The following GPAM variants were observed in gnomAD, a reference collection of about 807,000 sequenced individuals.
GPAM encodes the protein glycerol-3-phosphate acyltransferase, mitochondrial.
A neutral mutation model predicts 105.0 loss-of-function variants in GPAM; 56 were observed. The observed-to-expected ratio is 0.53, with a 90% CI of 0.43 to 0.67. The LOEUF (loss-of-function observed/expected upper bound fraction) is 0.67. GPAM is among the 30% of genes least tolerant of loss of function. The pLI is 0.00. For missense variants in GPAM, 855 were observed against 989.8 expected, an observed-to-expected ratio of 0.86 and a Z score of 1.83; for synonymous variants, 368 against 354.4, an observed-to-expected ratio of 1.04 and a Z score of -0.43.
chr10:112,166,292 A>G (rs1170668401), intron 12 of GPAM, 110 bp downstream of exon 12: 3 of 747,650 alleles, frequency 4.0e-6, no homozygotes, highest in Non-Finnish European at 7.4e-6. Context: ...TTTACAGGAG[A>G]GCAAACTGCA....
intron 1 of GPAM, among the ~76,000 whole-genome samples, chr10:112,194,337 A>C (rs1847698300): frequency 6.6e-6 from 1 of 152,250 alleles, no homozygotes; most frequent in African/African-American, 2.4e-5. Flanking sequence ...CAAAGGTCGT[A>C]ATGTAGAATG....
upstream of GPAM, among the ~76,000 whole-genome samples, chr10:112,218,133 C>T (rs114509806): frequency 6.8e-3 from 1,035 of 152,338 alleles, 12 homozygotes; most frequent in African/African-American, 0.024. Context: ...GATCAACTTG[C>T]TTCCTTCCTA....
chr10:112,173,573 A>G, intron 7 of GPAM, 126 bp downstream of exon 7: 1 of 943,780 alleles, frequency 1.1e-6, no homozygotes, highest in Non-Finnish European at 1.7e-6. Context: ...GTTTAATTTA[A>G]TATCAGGATT....
chr10:112,154,814 G>T (rs1564808998), intron 20 of GPAM, 127 bp from the exon 21 acceptor site: 3 of 779,100 alleles, frequency 3.9e-6, no homozygotes, highest in Middle Eastern at 4.4e-4. Context: ...ACAAGGGTGG[G>T]GCCCCACTTC....
chr10:112,172,178 T>C lies in GPAM; in HGVS notation c.794+4A>G, dbSNP rs571720140. The stretch of plus-strand genomic sequence containing the variant: ...CCTTAAATTCCAAAATAAGCTCATC[T>C]TACCTGAAGATTGGGATGTTGAGAT... On this transcript the variant is annotated splice_donor_region_variant and intron_variant, in intron 9 of 21. Transcript: ENST00000348367. 2 of 1,600,650 alleles carry C rather than the reference T, an allele frequency of 1.2e-6. No individual in the cohort carries two copies. Among genetic ancestry groups the C allele is most frequent in the East Asian group, 4.5e-5 (2 of 44,774 alleles).
At chr10:112,193,063 G>T (rs1039057905) in intron 1 of GPAM, among the ~76,000 whole-genome samples, 4 of 152,224 alleles carry the variant, frequency 2.6e-5, no homozygotes, top group Non-Finnish European at 5.9e-5. Flanking sequence ...GTCAGTCATG[G>T]CGCCATCAGA....
intron 8 of GPAM, among the ~76,000 whole-genome samples, chr10:112,172,527 GGAA>G (rs1847331068): frequency 6.6e-6 from 1 of 152,106 alleles, no homozygotes; most frequent in African/African-American, 2.4e-5. Context: ...ATAAGTTGGG[GGAA>G]GAAGAGCAAT....
In GPAM at chr10:112,152,143, T is replaced by C; in HGVS notation, c.*1407A>G. 1.0e-6 allele frequency: 1 copy of C among 971,634 alleles called. No individual in the cohort carries two copies. Among genetic ancestry groups the C allele is most frequent in the Non-Finnish European group, 1.2e-6 (1 of 817,436 alleles). 60.2% of individuals were successfully genotyped at this position (971,634 alleles called of 1,614,324 possible). ...GTACAAACTTAATTCTCAGTACTTT[T>C]ATACTAAATTCAAAGAATCTATGTA... is the stretch of plus-strand genomic sequence containing the variant. On this transcript the variant is annotated 3_prime_UTR_variant, in exon 22 of 22. Coordinates refer to ENST00000348367, the MANE Select transcript of GPAM (RefSeq NM_001244949.2).
chr10:112,197,467 G>A (rs1481001722), intron 1 of GPAM, among the ~76,000 whole-genome samples: 1 of 128,112 alleles, frequency 7.8e-6, no homozygotes, highest in African/African-American at 2.8e-5. Context: ...TTTCAGTAGT[G>A]CATATACTGA....
rs146367834 is a variant in GPAM at position 112,190,333 on chromosome 10, G to A, written n.211-7442C>T. Among the ~76,000 whole-genome samples, 837 of 151,808 alleles carry A rather than the reference G, an allele frequency of 5.5e-3. 8 individuals carry two copies. The highest frequency in any genetic ancestry group is 0.019 in the African/African-American group (794 of 41,406). On this transcript the variant is annotated intron_variant and non_coding_transcript_variant, in intron 1 of 3. Coordinates refer to the GPAM transcript ENST00000480130. ...ATCCTAGTCAACATGGTGGAACCCCGTCTCTACTAAAAATACAAAAAATTA... is the reference window on the plus strand; with the variant it reads ...ATCCTAGTCAACATGGTGGAACCCCATCTCTACTAAAAATACAAAAAATTA...
At chr10:112,168,720 A>G in intron 10 of GPAM, 133 bp downstream of exon 10, 1 of 756,768 alleles carries the variant, frequency 1.3e-6, no homozygotes, top group Non-Finnish European at 2.3e-6. Context: ...ACAACAAATT[A>G]CCAAACTCAA....
At chr10:112,199,632 C>T (rs1002807585) in intron 1 of GPAM, among the ~76,000 whole-genome samples, 17 of 152,312 alleles carry the variant, frequency 1.1e-4, no homozygotes, top group African/African-American at 3.8e-4. Flanking sequence ...AGTCTGTTCT[C>T]ACGCTGCTGA....
At chr10:112,172,536 G>A (rs77446005) in intron 8 of GPAM, among the ~76,000 whole-genome samples, 2 of 152,290 alleles carry the variant, frequency 1.3e-5, no homozygotes, top group Middle Eastern at 3.4e-3. Context: ...GGGAAGAAGA[G>A]CAATCAAGAG....
intron 1 of GPAM, among the ~76,000 whole-genome samples, chr10:112,190,499 T>TAA (rs11446981): frequency 1.2e-3 from 169 of 135,884 alleles, no homozygotes; most frequent in South Asian, 3.4e-3. Flanking sequence ...GACTCCATCT[T>TAA]AAAAAAAAAA....
At chr10:112,207,284 G>T (rs1175333866) in intron 1 of GPAM, among the ~76,000 whole-genome samples, 1 of 152,182 alleles carries the variant, frequency 6.6e-6, no homozygotes, top group Non-Finnish European at 1.5e-5. Context: ...ATAGGGCCAA[G>T]GTTGACCCAT....
Position 112,153,360 on chromosome 10 carries a change from G to A in GPAM, c.*190C>T, listed in dbSNP as rs1846954569. ...AGGTCCCCCCAAGTGTTATCTGCAG[G>A]CTGCTGTGTTGATGCAGAGCTGGGA... On this transcript the variant is annotated 3_prime_UTR_variant, in exon 22 of 22. Coordinates refer to ENST00000348367, the MANE Select transcript of GPAM (RefSeq NM_001244949.2). 4 of 1,515,472 alleles carry A rather than the reference G, an allele frequency of 2.6e-6. No individual in the cohort carries two copies. Among genetic ancestry groups the A allele is most frequent in the Non-Finnish European group, 3.5e-6 (4 of 1,138,038 alleles). The allele number at this position is 1,515,472 out of a possible 1,614,324, so 93.9% of individuals were successfully genotyped here. A position where few individuals can be genotyped will look rare whatever the true frequency, so the allele number is the denominator to read the frequency against.
At chr10:112,178,197 T>C (rs566390537) in intron 4 of GPAM, 140 bp from the exon 5 acceptor site, 2 of 617,494 alleles carry the variant, frequency 3.2e-6, no homozygotes, top group Non-Finnish European at 5.9e-6. Flanking sequence ...GAAAAAAGTT[T>C]TATTGAAAAG....
chr10:112,174,101 G>GGTGACAATTAT (rs56317768), intron 6 of GPAM, among the ~76,000 whole-genome samples: 11 of 151,412 alleles, frequency 7.3e-5, no homozygotes, highest in Non-Finnish European at 1.6e-4. Context: ...AAATTTACTG[G>GGTGACAATTAT]GTGAATTTGA....
In GPAM at chr10:112,175,656, A is replaced by G. The variant is rs530167001; in HGVS notation, c.357T>C (p.Asp119=). The G allele has an allele frequency of 7.4e-6, 12 of 1,613,608 alleles. No homozygotes were observed. The African/African-American group carries it at 1.5e-4, about 20-fold the overall frequency. The stretch of plus-strand genomic sequence containing the variant: ...TGGTGGCAAACATGCCCTTATGCAC[A>G]TCTCGCTCTTGAATAAAAAGAACGT... ...LSYVLFIQER[D]VHKGMFATNV... Residue 119 remains aspartate, a synonymous_variant, in exon 6 of 22, where the codon GAT becomes GAC. Transcript: ENST00000348367.
Sources: allele counts gnomAD v4.1 joint callset (sites outside exome capture counted in the v4.1 genomes callset), GRCh38; gene constraint gnomAD v4.1.1; transcripts MANE v1.5; gene names NCBI Gene and HGNC (gene_info 2026-07-23, HGNC 2026-07-21).